Variants in FAM117B observed in about 807,000 individuals in gnomAD.
The protein encoded by FAM117B is protein FAM117B.
A neutral mutation model predicts 52.8 loss-of-function variants in FAM117B; 22 were observed. The observed-to-expected ratio is 0.42, with a 90% confidence interval of 0.30 to 0.59. FAM117B has a LOEUF of 0.59. Ranked by LOEUF, FAM117B falls within the 20% of genes least tolerant of loss-of-function variation. The pLI is 0.22. For synonymous variants in FAM117B, 309 were observed against 324.1 expected (o/e 0.95, Z 0.50); for missense variants, 678 against 802.6 (o/e 0.84, Z 1.88).
chr2:202,765,060 T>C (rs1377437785), intron 7 of FAM117B, among the ~76,000 whole-genome samples: 1 of 152,202 alleles, frequency 6.6e-6, no homozygotes, highest in Admixed American at 6.5e-5. Flanking sequence ...ATACCATACA[T>C]AAAGGCATAC....
chr2:202,655,549 A>G (rs7571824), intron 1 of FAM117B, among the ~76,000 whole-genome samples: 126,487 of 151,950 alleles, frequency 0.83, 52,714 homozygotes, highest in African/African-American at 0.87. Flanking sequence ...CTTGGTTTAG[A>G]TATTGGGGGA....
intron 1 of FAM117B, among the ~76,000 whole-genome samples, chr2:202,685,783 C>G (rs1690530201): frequency 6.6e-6 from 1 of 152,030 alleles, no homozygotes; most frequent in Non-Finnish European, 1.5e-5. Context: ...AAGTGAACTC[C>G]AAATGGATGA....
At chr2:202,763,090 G>A (rs1231215524) in intron 7 of FAM117B, among the ~76,000 whole-genome samples, 1 of 47,232 alleles carries the variant, frequency 2.1e-5, no homozygotes, top group African/African-American at 8.2e-5. Flanking sequence ...TTTTTTTTTT[G>A]AGACAGAGTC....
intron 4 of FAM117B, among the ~76,000 whole-genome samples, chr2:202,732,871 A>G (rs1171648658): frequency 3.8e-5 from 5 of 129,990 alleles, no homozygotes; most frequent in Admixed American, 3.6e-4. Flanking sequence ...AAAACATGCT[A>G]GTAAAAAAAA....
intron 2 of FAM117B, among the ~76,000 whole-genome samples, chr2:202,715,296 C>G (rs1439531895): frequency 6.7e-6 from 1 of 149,858 alleles, no homozygotes; most frequent in Non-Finnish European, 1.5e-5. Context: ...GCTGGCCTGG[C>G]GGGGGCTGAC....
At chr2:202,647,975 A>G (rs1332476251) in intron 1 of FAM117B, among the ~76,000 whole-genome samples, 3 of 152,116 alleles carry the variant, frequency 2.0e-5, no homozygotes, top group South Asian at 4.1e-4. Flanking sequence ...TTCGCCCTCA[A>G]GGAACTAACT....
At chr2:202,765,318 A>G in intron 7 of FAM117B, 128 bp from the exon 8 acceptor site, 1 of 910,044 alleles carries the variant, frequency 1.1e-6, no homozygotes, top group East Asian at 2.6e-5. Context: ...CTTGAGTTTT[A>G]TATTCCTTTT....
intron 1 of FAM117B, among the ~76,000 whole-genome samples, chr2:202,685,346 A>G (rs1690523286): frequency 6.6e-6 from 1 of 152,212 alleles, no homozygotes. Context: ...CATGTTAGAA[A>G]TGCTCAGGAA....
At chr2:202,668,472 G>A (rs1179273591) in intron 1 of FAM117B, among the ~76,000 whole-genome samples, 1 of 139,570 alleles carries the variant, frequency 7.2e-6, no homozygotes, top group Admixed American at 7.6e-5. Flanking sequence ...AGGTTGCAGT[G>A]AGCTGAGATC....
At chr2:202,667,846 G>T (rs1005491403) in intron 1 of FAM117B, among the ~76,000 whole-genome samples, 85 of 152,132 alleles carry the variant, frequency 5.6e-4, no homozygotes, top group African/African-American at 2.0e-3. Context: ...TGGACAGCTA[G>T]CATGGCTGAA....
At chr2:202,699,248 G>A (rs1162628419) in intron 2 of FAM117B, among the ~76,000 whole-genome samples, 1 of 151,630 alleles carries the variant, frequency 6.6e-6, no homozygotes, top group Non-Finnish European at 1.5e-5. Context: ...CCAATATGGT[G>A]AAACTCTGTC....
intron 2 of FAM117B, among the ~76,000 whole-genome samples, chr2:202,709,733 A>T (rs1342991346): frequency 1.3e-5 from 2 of 152,112 alleles, no homozygotes; most frequent in East Asian, 3.8e-4. Context: ...GACCAATATC[A>T]TGAAGCTTGT....
At chr2:202,706,750 A>G (rs1479471963) in intron 2 of FAM117B, among the ~76,000 whole-genome samples, 1 of 152,248 alleles carries the variant, frequency 6.6e-6, no homozygotes, top group Non-Finnish European at 1.5e-5. Flanking sequence ...GCTGTTTTGA[A>G]TAAAACCTTG....
chr2:202,672,469 C>G (rs1000494986), intron 1 of FAM117B, among the ~76,000 whole-genome samples: 1 of 152,222 alleles, frequency 6.6e-6, no homozygotes, highest in Non-Finnish European at 1.5e-5. Flanking sequence ...CCGCCTTAGC[C>G]TCCCAAAGTG....
chr2:202,743,133 C>T (rs754913578), intron 4 of FAM117B, among the ~76,000 whole-genome samples: 6 of 152,194 alleles, frequency 3.9e-5, no homozygotes, highest in Admixed American at 2.0e-4. Context: ...CTGTGCCACC[C>T]AGGGGTCTAA....
intron 1 of FAM117B, among the ~76,000 whole-genome samples, chr2:202,665,562 G>A (rs557089282): frequency 1.1e-4 from 17 of 152,026 alleles, no homozygotes; most frequent in African/African-American, 4.1e-4. Context: ...GTGATATCTC[G>A]TTGTGTTTTC....
chr2:202,719,012 A>G lies in FAM117B; in HGVS notation c.754-5905A>G, dbSNP rs1457145536. Among the ~76,000 whole-genome samples, 6 of 152,216 alleles carry G rather than the reference A, an allele frequency of 3.9e-5. No homozygotes were observed. The East Asian group carries it at 1.2e-3, about 29-fold the overall frequency. On this transcript the variant is annotated intron_variant, in intron 2 of 7. Coordinates refer to ENST00000392238, the MANE Select transcript of FAM117B (RefSeq NM_173511.4). ...TTAATCTAGTGTCTGACACATTATTAGATACTTTAATATAAGCCTTCTAGT... is the reference window on the plus strand; with the variant it reads ...TTAATCTAGTGTCTGACACATTATTGGATACTTTAATATAAGCCTTCTAGT...
rs149565894 is a variant in FAM117B, at chr2:202,757,376, A to G, written c.1268A>G (p.Asn423Ser). Residue 423 changes from asparagine (N) to serine (S), a missense_variant, in exon 6 of 8, where the codon AAT becomes AGT. Asn to Ser is a conservative substitution (Grantham distance 46). Coordinates refer to ENST00000392238, the MANE Select transcript of FAM117B (RefSeq NM_173511.4). ...CCAACATCGTTCCTCACCATTTCCA[A>G]TGAAGGTAGCGAGGAGAGTCCTTGC... ...VSPTSFLTIS[N>S]EGSEESPCSA... 30 of 1,613,894 alleles carry G rather than the reference A, an allele frequency of 1.9e-5. No homozygotes were observed. Among genetic ancestry groups the G allele is most frequent in the Non-Finnish European group, 2.3e-5 (27 of 1,180,028 alleles).
At chr2:202,654,516 T>G (rs1343083690) in intron 1 of FAM117B, among the ~76,000 whole-genome samples, 2 of 152,190 alleles carry the variant, frequency 1.3e-5, no homozygotes, top group African/African-American at 2.4e-5. Flanking sequence ...TTTTTAATAC[T>G]GGAAAATTGT....
Sources: allele counts gnomAD v4.1 joint callset (sites outside exome capture counted in the v4.1 genomes callset), GRCh38; gene constraint gnomAD v4.1.1; transcripts MANE v1.5; gene names NCBI Gene and HGNC (gene_info 2026-07-23, HGNC 2026-07-21).